GUCY2F: variants seen among roughly 807,000 people sequenced by gnomAD.
GUCY2F encodes retinal guanylyl cyclase 2.
In GUCY2F, 61 loss-of-function variants were observed where a neutral mutation model predicts 73.1. The observed-to-expected ratio is 0.83, with a 90% CI of 0.68 to 1.03. GUCY2F has a LOEUF of 1.03. GUCY2F is among the 50% of genes least tolerant of loss of function. The pLI is 0.00. For synonymous variants in GUCY2F, 331 were observed against 307.8 expected, an observed-to-expected ratio of 1.08 and a Z score of -0.79; for missense variants, 912 against 854.3, an observed-to-expected ratio of 1.07 and a Z score of -0.84.
In GUCY2F at chrX:109,395,437, A is replaced by T; in HGVS notation, c.2328T>A (p.Pro776=). 8.4e-7 allele frequency: 1 copy of T among 1,197,191 alleles called. No homozygotes were observed. Among genetic ancestry groups the T allele is most frequent in the Non-Finnish European group, 1.1e-6 (1 of 882,082 alleles). ...KPPPVYRPVV[P]PEHAPPECLQ... ...GACATTCTGGAGGGGCATGCTCAGG[A>T]GGAACTACTGGTCTGTACACAGGAG... The change falls in exon 12 of 20, where the codon CCT becomes CCA. Residue 776 remains proline (P), a synonymous_variant. Transcript: ENST00000218006.
At chrX:109,410,222 G>A (rs1931076094) in intron 8 of GUCY2F, among the ~76,000 whole-genome samples, 1 of 112,283 alleles carries the variant, frequency 8.9e-6, no homozygotes, top group East Asian at 2.8e-4. Context: ...AATGGCCAAA[G>A]GGGAAAATTT....
chrX:109,376,281 C>A, intron 17 of GUCY2F, 114 bp from the exon 18 acceptor site: 1 of 507,592 alleles, frequency 2.0e-6, no homozygotes, highest in East Asian at 3.5e-5. Context: ...GTCTTCCTCC[C>A]TACGGGGCTG....
At chrX:109,409,735 G>T (rs770806752) in intron 8 of GUCY2F, among the ~76,000 whole-genome samples, 1 of 111,160 alleles carries the variant, frequency 9.0e-6, no homozygotes. Flanking sequence ...GAGATCTGAT[G>T]GTTTTATAAA....
intron 19 of GUCY2F, among the ~76,000 whole-genome samples, chrX:109,374,341 C>T (rs1317048767): frequency 1.8e-5 from 2 of 111,761 alleles, no homozygotes; most frequent in Non-Finnish European, 1.9e-5. Flanking sequence ...TCTCTTGACC[C>T]AGTGGCTTCA....
chrX:109,388,747 A>T, intron 14 of GUCY2F, 84 bp from the exon 15 acceptor site: 1 of 602,104 alleles, frequency 1.7e-6, no homozygotes, highest in East Asian at 3.3e-5. Flanking sequence ...AATGGAGGCC[A>T]GGTGGTCTTG....
intron 2 of GUCY2F, among the ~76,000 whole-genome samples, chrX:109,465,789 T>A (rs1180814339): frequency 1.8e-5 from 2 of 112,339 alleles, no homozygotes; most frequent in South Asian, 3.7e-4. Context: ...TACCCTTTTT[T>A]AAATTACTTA....
intron 17 of GUCY2F, among the ~76,000 whole-genome samples, chrX:109,380,573 CACA>C (rs746385074): frequency 9.0e-6 from 1 of 111,301 alleles, no homozygotes; most frequent in African/African-American, 3.3e-5. Context: ...AGGACCCTGC[CACA>C]ACAATAATCC....
At chrX:109,447,208 A>T (rs1247694591) in intron 6 of GUCY2F, among the ~76,000 whole-genome samples, 9 of 111,826 alleles carry the variant, frequency 8.0e-5, no homozygotes, top group African/African-American at 2.6e-4. Context: ...ATTGTGGAAG[A>T]CAGTGTGGCG....
At chrX:109,422,583 GTCA>G (rs1931395967) in intron 8 of GUCY2F, among the ~76,000 whole-genome samples, 1 of 111,925 alleles carries the variant, frequency 8.9e-6, no homozygotes, top group African/African-American at 3.2e-5. Flanking sequence ...ACCTCATCAA[GTCA>G]CTAGAATGAC....
At chrX:109,468,418 G>C (rs1293844959) in intron 2 of GUCY2F, among the ~76,000 whole-genome samples, 1 of 111,918 alleles carries the variant, frequency 8.9e-6, no homozygotes. Flanking sequence ...TTCAGGAAGA[G>C]AGCTTGTACA....
At chrX:109,436,196 A>G (rs1298901106) in intron 7 of GUCY2F, among the ~76,000 whole-genome samples, 1 of 112,357 alleles carries the variant, frequency 8.9e-6, no homozygotes, top group Non-Finnish European at 1.9e-5. Flanking sequence ...GCTCATCATC[A>G]CTAGCCATCA....
intron 7 of GUCY2F, among the ~76,000 whole-genome samples, chrX:109,433,624 C>G (rs1488977948): frequency 4.5e-5 from 5 of 112,154 alleles, no homozygotes; most frequent in Non-Finnish European, 9.4e-5. Context: ...TTTATCTTCA[C>G]CACACATGCA....
intron 17 of GUCY2F, among the ~76,000 whole-genome samples, chrX:109,381,320 G>C (rs1197312295): frequency 8.9e-6 from 1 of 111,817 alleles, no homozygotes; most frequent in Non-Finnish European, 1.9e-5. Context: ...TAAAAAGGAA[G>C]TCAGGCTTCC....
intron 16 of GUCY2F, among the ~76,000 whole-genome samples, chrX:109,384,088 C>T (rs987160661): frequency 1.4e-4 from 16 of 112,498 alleles, no homozygotes; most frequent in Non-Finnish European, 7.5e-5. Flanking sequence ...TTCTAAGTTC[C>T]ATACTGCCTC....
At chrX:109,477,324 G>A (rs1339714235) in intron 1 of GUCY2F, among the ~76,000 whole-genome samples, 1 of 111,886 alleles carries the variant, frequency 8.9e-6, no homozygotes, top group Admixed American at 9.4e-5. Flanking sequence ...ATTGGAAAAT[G>A]GCACAAGTCT....
At position 109,413,405 on chromosome X, in the gene GUCY2F, A is replaced by G. The variant is rs762856298; in HGVS notation, c.1792-4237T>C. On this transcript the variant is annotated intron_variant, in intron 8 of 19. Coordinates refer to ENST00000218006, the MANE Select transcript of GUCY2F (RefSeq NM_001522.3). ...TTTTGTTAGCTTCATATTTGACAAGACACCTTTTTTTTTTTCTGAGATGGA... is the reference window on the plus strand; with the variant it reads ...TTTTGTTAGCTTCATATTTGACAAGGCACCTTTTTTTTTTTCTGAGATGGA... 1.5e-4 allele frequency among the ~76,000 whole-genome samples: 17 copies of G among 109,869 alleles called. No individual in the cohort carries two copies. The South Asian group carries it at 6.2e-3, about 40-fold the overall frequency.
intron 6 of GUCY2F, among the ~76,000 whole-genome samples, chrX:109,446,712 T>C (rs1448466850): frequency 8.9e-6 from 1 of 111,802 alleles, no homozygotes; most frequent in African/African-American, 3.3e-5. Flanking sequence ...GACATAGGCA[T>C]GGGAAAGGAC....
At chrX:109,421,051 T>C (rs1307929416) in intron 8 of GUCY2F, among the ~76,000 whole-genome samples, 1 of 110,996 alleles carries the variant, frequency 9.0e-6, no homozygotes, top group East Asian at 2.8e-4. Flanking sequence ...GAAATGAAAA[T>C]CAAAACCTCT....
At chrX:109,375,275 G>A (rs1930150225) in intron 19 of GUCY2F, among the ~76,000 whole-genome samples, 1 of 111,424 alleles carries the variant, frequency 9.0e-6, no homozygotes, top group Non-Finnish European at 1.9e-5. Flanking sequence ...TATGTGGAGA[G>A]AATTCTTGAT....
Sources: gnomAD v4.1 joint callset for allele counts (sites outside exome capture counted in the v4.1 genomes callset) on GRCh38, gnomAD v4.1.1 for gene constraint, MANE v1.5 for transcripts, NCBI Gene and HGNC (gene_info 2026-07-23, HGNC 2026-07-21) for gene names.